Variants in DISC1 observed in about 807,000 individuals in gnomAD.
DISC1 encodes disrupted in schizophrenia 1 protein.
Under a neutral mutation model 84.5 loss-of-function variants are expected in DISC1, and 57 were observed. The observed-to-expected ratio is 0.67, with a 90% CI of 0.55 to 0.84. The LOEUF is 0.84. Among genes scored for constraint, DISC1 ranks in the 40% least tolerant of loss-of-function variants. The pLI is 0.00. For synonymous variants in DISC1, 411 were observed against 415.2 expected, an observed-to-expected ratio of 0.99 and a Z score of 0.12; for missense variants, 1,000 against 1,057.8, an observed-to-expected ratio of 0.95 and a Z score of 0.76.
intron 8 of DISC1, chr1:231,813,142 C>T (rs1210406474): frequency 6.6e-6 from 1 of 152,178 alleles, no homozygotes; most frequent in Non-Finnish European, 1.5e-5. Context: ...GGTGTATTTG[C>T]AGCAAAACTT....
At chr1:231,648,813 C>A (rs2060365920) in intron 1 of DISC1, among the ~76,000 whole-genome samples, 1 of 152,104 alleles carries the variant, frequency 6.6e-6, no homozygotes, top group Non-Finnish European at 1.5e-5. Context: ...GGAATTTATC[C>A]ATTTCTCCTC....
In DISC1 at chr1:231,664,038, C is replaced by CCA. The variant is rs1274931166; in HGVS notation, c.68-29788_68-29787insCA. ...CATATCTATCTATCTATCCATCTAT[C>CCA]TATCCATCCATCCATCCATCCATCC... On this transcript the variant is annotated intron_variant, in intron 1 of 12. Transcript: ENST00000439617. Among the ~76,000 whole-genome samples, 735 of 138,026 alleles carry CCA rather than the reference C, an allele frequency of 5.3e-3. 4 individuals carry two copies. The highest frequency in any genetic ancestry group is 0.023 in the South Asian group (92 of 4,030). The allele number at this position is 138,026 out of a possible 152,430, so 90.6% of individuals were successfully genotyped here. A position where few individuals can be genotyped will look rare whatever the true frequency, so the allele number is the denominator to read the frequency against.
At chr1:231,678,532 T>G (rs2063373344) in intron 1 of DISC1, among the ~76,000 whole-genome samples, 1 of 152,132 alleles carries the variant, frequency 6.6e-6, no homozygotes, top group Non-Finnish European at 1.5e-5. Context: ...ATGGAAGATA[T>G]TAGAATGAAC....
chr1:231,824,751 A>G (rs1237071644), intron 9 of DISC1, among the ~76,000 whole-genome samples: 1 of 152,114 alleles, frequency 6.6e-6, no homozygotes, highest in Admixed American at 6.5e-5. Context: ...ATAGCACCTG[A>G]TATATATAGC....
At chr1:231,859,481 T>G (rs1402186270) in intron 9 of DISC1, among the ~76,000 whole-genome samples, 1 of 152,168 alleles carries the variant, frequency 6.6e-6, no homozygotes, top group East Asian at 1.9e-4. Flanking sequence ...TGGGGCCTCT[T>G]TTGTAAGGGG....
intron 8 of DISC1, among the ~76,000 whole-genome samples, chr1:231,813,010 A>AT (rs1284648463): frequency 3.9e-5 from 6 of 152,022 alleles, no homozygotes; most frequent in Admixed American, 6.6e-5. Flanking sequence ...ATCACTGTGC[A>AT]TTTTCCCAAG....
At chr1:231,776,563 A>G (rs200413708) in intron 6 of DISC1, among the ~76,000 whole-genome samples, 26 of 152,128 alleles carry the variant, frequency 1.7e-4, no homozygotes, top group Non-Finnish European at 3.1e-4. Context: ...CTTCTGCAGT[A>G]TCCATGCCCC....
chr1:231,678,740 A>G (rs901735253), intron 1 of DISC1, among the ~76,000 whole-genome samples: 10 of 152,096 alleles, frequency 6.6e-5, no homozygotes, highest in African/African-American at 2.4e-4. Context: ...TGATCGGCTC[A>G]CTGCAACTTC....
chr1:231,794,235 T>C (rs1489655282), intron 6 of DISC1, among the ~76,000 whole-genome samples: 1 of 127,852 alleles, frequency 7.8e-6, no homozygotes, highest in Non-Finnish European at 1.6e-5. Context: ...ATCTTCTTGC[T>C]AGAATTTCAT....
Position 232,040,914 on chromosome 1 carries a change from A to G in DISC1, c.*4083A>G, listed in dbSNP as rs1258388747. The stretch of plus-strand genomic sequence containing the variant: ...TGACTTTCTTGAAGATCCTCATCCA[A>G]TTGGTGTTTTTCAGAAGTGTTCCAA... On this transcript the variant is annotated 3_prime_UTR_variant, in exon 13 of 13. Coordinates refer to ENST00000439617, the MANE Select transcript of DISC1 (RefSeq NM_018662.3). 6.6e-6 allele frequency: 1 copy of G among 152,184 alleles called. No homozygotes were observed. The highest frequency in any genetic ancestry group is 2.4e-5 in the African/African-American group (1 of 41,442). The allele number at this position is 152,184 out of a possible 1,614,324, so 9.4% of individuals were successfully genotyped here. A position where few individuals can be genotyped will look rare whatever the true frequency, so the allele number is the denominator to read the frequency against.
intron 5 of DISC1, among the ~76,000 whole-genome samples, chr1:231,769,000 G>A (rs1252832239): frequency 6.6e-6 from 1 of 152,202 alleles, no homozygotes; most frequent in Admixed American, 6.5e-5. Flanking sequence ...GGAGGCCCAT[G>A]TGGCTGGAGC....
At chr1:232,026,098 C>T (rs1160492) in intron 11 of DISC1, among the ~76,000 whole-genome samples, 1,899 of 152,166 alleles carry the variant, frequency 0.012, 17 homozygotes, top group Middle Eastern at 0.034. Flanking sequence ...TTTTTAGAAT[C>T]CCTATTAAAT....
At chr1:231,695,942 G>A (rs900025361) in intron 2 of DISC1, among the ~76,000 whole-genome samples, 2 of 152,168 alleles carry the variant, frequency 1.3e-5, no homozygotes, top group African/African-American at 4.8e-5. Flanking sequence ...GAGAGGGAGT[G>A]AGGTCAGAGC....
intron 8 of DISC1, among the ~76,000 whole-genome samples, chr1:231,803,747 G>A (rs2079465980): frequency 6.6e-6 from 1 of 152,018 alleles, no homozygotes; most frequent in Admixed American, 6.6e-5. Context: ...AGGAGATCAA[G>A]ACCATCCTGG....
intron 12 of DISC1, among the ~76,000 whole-genome samples, chr1:232,029,180 G>A (rs1669763728): frequency 6.6e-6 from 1 of 152,144 alleles, no homozygotes; most frequent in Non-Finnish European, 1.5e-5. Context: ...GAGAAGCACT[G>A]GTTTAGGTAC....
At chr1:231,744,205 C>T (rs889583398) in intron 3 of DISC1, among the ~76,000 whole-genome samples, 1 of 152,080 alleles carries the variant, frequency 6.6e-6, no homozygotes, top group Non-Finnish European at 1.5e-5. Context: ...GTTTGTATTG[C>T]ACACTGGGGT....
intron 12 of DISC1, among the ~76,000 whole-genome samples, chr1:232,033,548 A>G (rs1025177277): frequency 6.6e-6 from 1 of 152,176 alleles, no homozygotes; most frequent in East Asian, 1.9e-4. Flanking sequence ...CATAACTACC[A>G]ACATGGCGCC....
At position 231,895,753 on chromosome 1, in the gene DISC1, C is replaced by T. The variant is rs559864456; in HGVS notation, c.1982-63075C>T. 1.6e-4 allele frequency among the ~76,000 whole-genome samples: 25 copies of T among 152,196 alleles called. No homozygotes were observed. The South Asian group carries it at 4.4e-3, about 27-fold the overall frequency. ...AGGCTGTACCAGTCTCATAAAATAA[C>T]TGGGAAGTTTTCCATCTTCTTATTC... On this transcript the variant is annotated intron_variant, in intron 9 of 12. Transcript: ENST00000439617.
chr1:232,036,628 G>A (rs17773715), intron 12 of DISC1, 64 bp from the exon 13 acceptor site: 237,550 of 1,407,920 alleles, frequency 0.17, 20,368 homozygotes, highest in Middle Eastern at 0.23. Context: ...CACGCTCTTC[G>A]ATCCCTCGGA....
Sources: gnomAD v4.1 joint callset for allele counts (sites outside exome capture counted in the v4.1 genomes callset) on GRCh38, gnomAD v4.1.1 for gene constraint, MANE v1.5 for transcripts, NCBI Gene and HGNC (gene_info 2026-07-23, HGNC 2026-07-21) for gene names.